CNTNAP2: variants seen among roughly 807,000 people sequenced by gnomAD.
The protein encoded by CNTNAP2 is contactin-associated protein-like 2.
CNTNAP2 carries 98 observed loss-of-function variants against 155.2 expected under a neutral mutation model. The ratio of observed to expected loss-of-function variants is 0.63; its 90% CI spans 0.54 to 0.75. The LOEUF is 0.75. Ranked by LOEUF, CNTNAP2 falls within the 30% of genes least tolerant of loss-of-function variation. The pLI, the probability that CNTNAP2 is intolerant of heterozygous loss-of-function variation, is 0.00. For synonymous variants in CNTNAP2, 651 were observed against 631.2 expected (o/e 1.03, Z -0.47); for missense variants, 1,727 against 1,688.1 (o/e 1.02, Z -0.40).
chr7:147,972,133 G>A (rs113722146), intron 14 of CNTNAP2, among the ~76,000 whole-genome samples: 211 of 152,234 alleles, frequency 1.4e-3, no homozygotes, highest in African/African-American at 5.0e-3. Flanking sequence ...ATGTGTTTAT[G>A]TTGTATTTGT....
chr7:147,067,171 A>T (rs1045868778), intron 4 of CNTNAP2, among the ~76,000 whole-genome samples: 2 of 152,034 alleles, frequency 1.3e-5, no homozygotes, highest in African/African-American at 4.8e-5. Flanking sequence ...CACACCTGTA[A>T]TCTCAGCTAC....
chr7:147,948,632 CACACACACACATAT>C (rs1229398394), intron 14 of CNTNAP2, among the ~76,000 whole-genome samples: 1 of 149,024 alleles, frequency 6.7e-6, no homozygotes, highest in Non-Finnish European at 1.5e-5. Context: ...TATATTTACA[CACACACACACATAT>C]ACACACACAC....
intron 3 of CNTNAP2, among the ~76,000 whole-genome samples, chr7:146,947,087 A>G (rs1797193232): frequency 6.6e-6 from 1 of 151,790 alleles, no homozygotes; most frequent in East Asian, 1.9e-4. Context: ...GTTGGAGTGC[A>G]GTGGCGTGAC....
At chr7:146,627,764 A>C (rs567684208) in intron 1 of CNTNAP2, among the ~76,000 whole-genome samples, 1 of 152,296 alleles carries the variant, frequency 6.6e-6, no homozygotes, top group East Asian at 1.9e-4. Context: ...TAGGTACAAA[A>C]GGTTTAAAAG....
intron 3 of CNTNAP2, among the ~76,000 whole-genome samples, chr7:146,996,429 AC>A (rs1798309540): frequency 6.6e-6 from 1 of 151,856 alleles, no homozygotes; most frequent in African/African-American, 2.4e-5. Flanking sequence ...GAGATCTTTC[AC>A]CTCCCTGGTT....
intron 1 of CNTNAP2, among the ~76,000 whole-genome samples, chr7:146,480,769 G>A (rs1451981270): frequency 2.2e-5 from 3 of 136,374 alleles, no homozygotes; most frequent in Admixed American, 1.6e-4. Flanking sequence ...GCTCACCTCC[G>A]CCTCCCGGGT....
At chr7:146,522,821 T>A (rs1056154510) in intron 1 of CNTNAP2, among the ~76,000 whole-genome samples, 9 of 150,916 alleles carry the variant, frequency 6.0e-5, no homozygotes, top group Non-Finnish European at 1.2e-4. Flanking sequence ...AATCCCATAA[T>A]TTTTTCTTAT....
intron 13 of CNTNAP2, among the ~76,000 whole-genome samples, chr7:147,696,146 T>A (rs769779497): frequency 4.6e-5 from 7 of 152,226 alleles, no homozygotes; most frequent in South Asian, 2.1e-4. Context: ...CTCTGTCTTT[T>A]AATTGGGGAA....
At chr7:148,380,750 C>CAA (rs1466513869) in intron 21 of CNTNAP2, among the ~76,000 whole-genome samples, 1 of 152,014 alleles carries the variant, frequency 6.6e-6, no homozygotes, top group Non-Finnish European at 1.5e-5. Flanking sequence ...AGAGGGTTAC[C>CAA]AGGAGACTTA....
rs554121298 is a variant in CNTNAP2 at position 146,885,082 on chromosome 7, A to G, written c.402+45178A>G. ...TCATGGAAAAATATGTTTACATGTT[A>G]GATGAGTTATGTTAACTACTTATGT... On this transcript the variant is annotated intron_variant, in intron 3 of 23. Coordinates refer to ENST00000361727, the MANE Select transcript of CNTNAP2 (RefSeq NM_014141.6). Among the ~76,000 whole-genome samples, 147 of 152,292 alleles carry G rather than the reference A, an allele frequency of 9.7e-4. 1 individual carries two copies. The highest frequency in any genetic ancestry group is 3.4e-3 in the African/African-American group (142 of 41,582).
chr7:147,431,855 G>A (rs1295346106), intron 10 of CNTNAP2, among the ~76,000 whole-genome samples: 4 of 152,134 alleles, frequency 2.6e-5, no homozygotes, highest in Non-Finnish European at 5.9e-5. Context: ...GCAATTAGAA[G>A]TTCCTGAAGG....
intron 15 of CNTNAP2, among the ~76,000 whole-genome samples, chr7:148,080,492 C>A (rs1803575401): frequency 6.6e-6 from 1 of 151,172 alleles, no homozygotes; most frequent in Non-Finnish European, 1.5e-5. Flanking sequence ...GTAGTCCCAG[C>A]TACTCAGGAG....
In CNTNAP2 at chr7:147,953,721, G is replaced by A. The variant is rs547592946; in HGVS notation, c.2256-24141G>A. Among the ~76,000 whole-genome samples, 17 of 152,112 alleles carry A rather than the reference G, an allele frequency of 1.1e-4. No individual in the cohort carries two copies. In the South Asian group the frequency reaches 3.5e-3, roughly 32 times the overall value. On this transcript the variant is annotated intron_variant, in intron 14 of 23. Coordinates refer to ENST00000361727, the MANE Select transcript of CNTNAP2 (RefSeq NM_014141.6). The stretch of plus-strand genomic sequence containing the variant: ...TAGAGGCCAGAAGCCTGAAATCAAG[G>A]TATCAGCAGGGCCATGATCTCTCTC...
chr7:146,520,313 CATATATAT>C (rs59563196), intron 1 of CNTNAP2, among the ~76,000 whole-genome samples: 22 of 140,806 alleles, frequency 1.6e-4, no homozygotes, highest in South Asian at 4.5e-4. Context: ...TAGATATATT[CATATATAT>C]ATATATATAT....
intron 14 of CNTNAP2, among the ~76,000 whole-genome samples, chr7:147,911,701 T>C (rs1206567366): frequency 3.3e-5 from 5 of 152,260 alleles, no homozygotes. Flanking sequence ...GTGAATCATA[T>C]AGTATTTGTC....
At chr7:146,550,347 G>A (rs1254702290) in intron 1 of CNTNAP2, among the ~76,000 whole-genome samples, 1 of 147,078 alleles carries the variant, frequency 6.8e-6, no homozygotes, top group East Asian at 2.0e-4. Flanking sequence ...GATCCTATGG[G>A]CAGCAATTCA....
intron 21 of CNTNAP2, among the ~76,000 whole-genome samples, chr7:148,359,821 G>A (rs1798582999): frequency 6.6e-6 from 1 of 152,222 alleles, no homozygotes; most frequent in African/African-American, 2.4e-5. Flanking sequence ...GGAAATCACA[G>A]TCGTTAGTTT....
At chr7:146,791,081 C>A (rs535397210) in intron 2 of CNTNAP2, among the ~76,000 whole-genome samples, 1 of 152,100 alleles carries the variant, frequency 6.6e-6, no homozygotes, top group East Asian at 1.9e-4. Flanking sequence ...GCCCCTACCC[C>A]CTGACAGGCC....
At chr7:147,289,635 A>C (rs1465924417) in intron 8 of CNTNAP2, among the ~76,000 whole-genome samples, 1 of 152,224 alleles carries the variant, frequency 6.6e-6, no homozygotes, top group Non-Finnish European at 1.5e-5. Flanking sequence ...CAGAATAATA[A>C]AGTTTCAAAT....
Sources: allele counts gnomAD v4.1 joint callset (sites outside exome capture counted in the v4.1 genomes callset), GRCh38; gene constraint gnomAD v4.1.1; transcripts MANE v1.5; gene names NCBI Gene and HGNC (gene_info 2026-07-23, HGNC 2026-07-21).